Variants in TAOK3 observed in about 807,000 individuals in gnomAD.
The protein encoded by TAOK3 is TAO kinase 3, also known as serine/threonine-protein kinase TAO3.
Under a neutral mutation model 120.4 loss-of-function variants are expected in TAOK3, and 40 were observed. The observed-to-expected ratio is 0.33, with a 90% CI of 0.26 to 0.43. The LOEUF (loss-of-function observed/expected upper bound fraction) is 0.43, where lower values mean the gene tolerates loss of function less well. Ranked by LOEUF, TAOK3 falls within the 20% of genes least tolerant of loss-of-function variation. TAOK3 has a pLI of 1.00. For synonymous variants in TAOK3, 355 were observed against 387.5 expected, an observed-to-expected ratio of 0.92 and a Z score of 0.99; for missense variants, 821 against 1,112.1, an observed-to-expected ratio of 0.74 and a Z score of 3.72.
chr12:118,337,622 C>A (rs1349634545), intron 1 of TAOK3, among the ~76,000 whole-genome samples: 1 of 152,084 alleles, frequency 6.6e-6, no homozygotes, highest in Admixed American at 6.6e-5. Flanking sequence ...TCAGTTAAAT[C>A]GTCAGAGAAT....
chr12:118,238,430 A>C (rs1213917447), intron 6 of TAOK3, among the ~76,000 whole-genome samples: 1 of 152,340 alleles, frequency 6.6e-6, no homozygotes, highest in East Asian at 1.9e-4. Context: ...TTTACTTATC[A>C]GTTGCAAGCC....
intron 1 of TAOK3, among the ~76,000 whole-genome samples, chr12:118,368,223 G>A (rs1333918927): frequency 6.6e-6 from 1 of 152,136 alleles, no homozygotes; most frequent in Non-Finnish European, 1.5e-5. Context: ...TTGAGACGGA[G>A]TCTCGCTCTG....
At chr12:118,269,722 G>A (rs1369818976) in intron 1 of TAOK3, among the ~76,000 whole-genome samples, 1 of 152,058 alleles carries the variant, frequency 6.6e-6, no homozygotes, top group African/African-American at 2.4e-5. Flanking sequence ...ATCTTTGGTT[G>A]CCAAGCTCTA....
intron 1 of TAOK3, among the ~76,000 whole-genome samples, chr12:118,315,735 A>G (rs894555476): frequency 1.1e-4 from 16 of 152,248 alleles, no homozygotes; most frequent in African/African-American, 3.9e-4. Context: ...TCTAAAAATG[A>G]AAGTGATAGG....
Position 118,160,435 on chromosome 12 carries a change from T to G in TAOK3, c.2140-77A>C. On this transcript the variant is annotated intron_variant, in intron 18 of 20. Transcript: ENST00000392533. The surrounding 1 kb of genome is among the most constrained non-coding windows in gnomAD (Gnocchi z 4.2). ...AAAGCCTTCTACCATAATGATATAA[T>G]ACAAGTGCTGAGAGCGTCTGTTTTT... 8.1e-7 allele frequency: 1 copy of G among 1,234,288 alleles called. No homozygotes were observed. Among genetic ancestry groups the G allele is most frequent in the South Asian group, 1.3e-5 (1 of 76,796 alleles). The allele number at this position is 1,234,288 out of a possible 1,614,324, so 76.5% of individuals were successfully genotyped here.
At chr12:118,198,598 G>C (rs1288180268) in intron 13 of TAOK3, 4 of 173,028 alleles carry the variant, frequency 2.3e-5, no homozygotes, top group African/African-American at 9.6e-5. Flanking sequence ...TGTTGGCCAG[G>C]CTGGTCTCAA....
At chr12:118,287,032 A>G (rs761592235) in intron 1 of TAOK3, among the ~76,000 whole-genome samples, 1 of 152,170 alleles carries the variant, frequency 6.6e-6, no homozygotes. Context: ...ATGCAAAAGC[A>G]TAAGAATGAC....
chr12:118,345,692 G>GA lies in TAOK3; in HGVS notation c.-194+26955dup, dbSNP rs147776308. On this transcript the variant is annotated intron_variant, in intron 1 of 20. Coordinates refer to ENST00000392533, the MANE Select transcript of TAOK3 (RefSeq NM_016281.4). ...ATAATGCTGCTCACCCATCCTGCTT[G>GA]AAAAAAAAAAATGAACTCATGCTCC... Among the ~76,000 whole-genome samples the GA allele has an allele frequency of 8.8e-3, 1,277 of 145,370 alleles. 10 individuals carry two copies. The highest frequency in any genetic ancestry group is 0.029 in the African/African-American group (1,161 of 39,904).
intron 1 of TAOK3, among the ~76,000 whole-genome samples, chr12:118,334,544 G>GT (rs148979881): frequency 0.014 from 2,159 of 152,212 alleles, 46 homozygotes; most frequent in African/African-American, 0.048. Context: ...GTACAACACT[G>GT]TACCTATAGA....
chr12:118,351,388 A>G (rs1158940153), intron 1 of TAOK3, among the ~76,000 whole-genome samples: 1 of 152,162 alleles, frequency 6.6e-6, no homozygotes, highest in Non-Finnish European at 1.5e-5. Context: ...GCACTAGTCC[A>G]AGGCCTGACC....
At chr12:118,370,339 T>C (rs61943385) in intron 1 of TAOK3, among the ~76,000 whole-genome samples, 17,555 of 152,290 alleles carry the variant, frequency 0.12, 1,273 homozygotes, top group Middle Eastern at 0.19. Flanking sequence ...TGGATTTACA[T>C]AGCAGTTATA....
At chr12:118,326,508 C>T (rs540476081) in intron 1 of TAOK3, among the ~76,000 whole-genome samples, 1 of 151,600 alleles carries the variant, frequency 6.6e-6, no homozygotes, top group African/African-American at 2.4e-5. Flanking sequence ...AAATTGTTTG[C>T]ATTTTTTATA....
intron 1 of TAOK3, among the ~76,000 whole-genome samples, chr12:118,345,258 G>C (rs2044804635): frequency 6.6e-6 from 1 of 152,082 alleles, no homozygotes; most frequent in Admixed American, 6.6e-5. Flanking sequence ...TTAAATTAAG[G>C]AGGCTGAAAT....
chr12:118,359,488 A>C (rs1407267435), intron 1 of TAOK3: 1 of 152,216 alleles, frequency 6.6e-6, no homozygotes, highest in African/African-American at 2.4e-5. Flanking sequence ...TTAGAAAGAA[A>C]AGAACCAATT....
At chr12:118,152,679 G>A (rs1808921480) in intron 19 of TAOK3, 1 of 374,256 alleles carries the variant, frequency 2.7e-6, no homozygotes, top group South Asian at 6.0e-5. Context: ...GGCTTTGGAG[G>A]TAGGCTCCTG....
At chr12:118,289,076 G>C (rs559088513) in intron 1 of TAOK3, among the ~76,000 whole-genome samples, 314 of 151,976 alleles carry the variant, frequency 2.1e-3, no homozygotes, top group Middle Eastern at 6.8e-3. Flanking sequence ...AAGGCAGGTA[G>C]ATCACTTGAG....
chr12:118,347,076 C>G (rs1370827955), intron 1 of TAOK3, among the ~76,000 whole-genome samples: 1 of 152,130 alleles, frequency 6.6e-6, no homozygotes, highest in African/African-American at 2.4e-5. Flanking sequence ...ATGATCCTGG[C>G]TCACTGAAGC....
Position 118,255,440 on chromosome 12 carries a change from G to GTACT in TAOK3, c.120+4_120+7dup, listed in dbSNP as rs1464892970. The GTACT allele has an allele frequency of 6.8e-6, 11 of 1,613,872 alleles. No individual in the cohort carries two copies. The highest frequency in any genetic ancestry group is 9.3e-6 in the Non-Finnish European group (11 of 1,179,906). ...TGATCTATCTAAAAGACTCTTTTAA[G>GTACT]TACTTACAAAATAAACTGCTCCAAA... On this transcript the variant is annotated splice_region_variant and intron_variant, in intron 3 of 20. Transcript: ENST00000392533.
At chr12:118,162,129 A>G (rs1043241261) in intron 17 of TAOK3, 102 bp from the exon 18 acceptor site, 6 of 1,413,308 alleles carry the variant, frequency 4.2e-6, no homozygotes, top group Non-Finnish European at 4.9e-6. Flanking sequence ...ACTGCTAACC[A>G]TCTCTTAATT....
Sources: gnomAD v4.1 joint callset for allele counts (sites outside exome capture counted in the v4.1 genomes callset) on GRCh38, gnomAD v4.1.1 for gene constraint, Gnocchi (gnomAD v3.1) non-coding constraint, MANE v1.5 for transcripts, NCBI Gene and HGNC (gene_info 2026-07-23, HGNC 2026-07-21) for gene names.